Variants in GLIS3 observed in about 807,000 individuals in gnomAD.
GLIS3 encodes the protein zinc finger protein GLIS3.
In GLIS3, 53 loss-of-function variants were observed where a neutral mutation model predicts 78.6. That is an observed-to-expected ratio of 0.67 (90% CI 0.54 to 0.85). The LOEUF is 0.85. Ranked by LOEUF, GLIS3 falls within the 40% of genes least tolerant of loss-of-function variation. The pLI, the probability that GLIS3 is intolerant of heterozygous loss-of-function variation, is 0.00. For missense variants in GLIS3, 1,703 were observed against 1,231.1 expected (o/e 1.38, Z -5.74); for synonymous variants, 684 against 509.9 (o/e 1.34, Z -4.60).
At chr9:4,161,675 CTTTTTTTTTTTT>C (rs55904647) in intron 2 of GLIS3, among the ~76,000 whole-genome samples, 6 of 114,214 alleles carry the variant, frequency 5.3e-5, no homozygotes, top group African/African-American at 2.1e-4. Context: ...TGCTAGAAGT[CTTTTTTTTTTTT>C]TTTTTTTTGA....
At chr9:4,133,874 A>ACACCCACC (rs768664577) in intron 2 of GLIS3, among the ~76,000 whole-genome samples, 1 of 123,918 alleles carries the variant, frequency 8.1e-6, no homozygotes, top group Non-Finnish European at 1.7e-5. Flanking sequence ...ACACACACAC[A>ACACCCACC]CCGTACATCT....
In GLIS3 at chr9:3,886,956, C is replaced by T. The variant is rs570614203; in HGVS notation, c.2129-7361G>A. Among the ~76,000 whole-genome samples the T allele has an allele frequency of 3.3e-5, 5 of 152,298 alleles. No individual in the cohort carries two copies. In the East Asian group the frequency reaches 9.6e-4, roughly 29 times the overall value. Reference sequence around the variant, plus strand: ...TTCTTAATGTCTGATCATTTCCCCCCTTCCCCTGCCTCTGCATCAGGAAGG... The same window carrying T: ...TTCTTAATGTCTGATCATTTCCCCCTTTCCCCTGCCTCTGCATCAGGAAGG... On this transcript the variant is annotated intron_variant, in intron 7 of 10. Transcript: ENST00000381971.
At chr9:4,369,822 G>A in the GLIS3 span, among the ~76,000 whole-genome samples, 1 of 151,926 alleles carries the variant, frequency 6.6e-6, no homozygotes, top group Non-Finnish European at 1.5e-5. Context: ...CTATGTTCAT[G>A]GCCAAAAAAA....
intron 2 of GLIS3, among the ~76,000 whole-genome samples, chr9:4,225,925 C>T (rs1044832483): frequency 8.5e-5 from 13 of 152,168 alleles, no homozygotes; most frequent in Admixed American, 5.9e-4. Flanking sequence ...TCTAACTCAA[C>T]ATTCTATGAG....
chr9:4,242,144 T>C (rs1376343886), intron 2 of GLIS3, among the ~76,000 whole-genome samples: 1 of 152,148 alleles, frequency 6.6e-6, no homozygotes, highest in Non-Finnish European at 1.5e-5. Context: ...GAAACCTGGC[T>C]TGCTGCTGTG....
chr9:4,450,667 A>T, the GLIS3 span, among the ~76,000 whole-genome samples: 1 of 152,248 alleles, frequency 6.6e-6, no homozygotes, highest in African/African-American at 2.4e-5. Flanking sequence ...AAACTCTACA[A>T]GCCAAAAGAG....
chr9:4,125,010 A>G (rs11791726), intron 3 of GLIS3, among the ~76,000 whole-genome samples: 56,096 of 152,108 alleles, frequency 0.37, 10,743 homozygotes, highest in South Asian at 0.41. Flanking sequence ...CAACCTTGAG[A>G]GAGATAAAGC....
intron 8 of GLIS3, among the ~76,000 whole-genome samples, chr9:3,871,763 C>G (rs891013998): frequency 1.3e-5 from 2 of 152,216 alleles, no homozygotes; most frequent in African/African-American, 4.8e-5. Flanking sequence ...ACTGGAGGGA[C>G]TGCTGTGAAG....
At chr9:3,831,560 C>G (rs1311806371) in intron 9 of GLIS3, among the ~76,000 whole-genome samples, 2 of 152,174 alleles carry the variant, frequency 1.3e-5, no homozygotes, top group African/African-American at 2.4e-5. Context: ...AGTTTGACAA[C>G]CTGTATCTAG....
chr9:4,478,478 G>A, the GLIS3 span, among the ~76,000 whole-genome samples: 3 of 151,988 alleles, frequency 2.0e-5, no homozygotes, highest in African/African-American at 7.2e-5. Context: ...CGGCCTGGTG[G>A]CGGGCGCCTA....
At chr9:3,999,439 T>A (rs192362415) in intron 4 of GLIS3, among the ~76,000 whole-genome samples, 2 of 152,148 alleles carry the variant, frequency 1.3e-5, no homozygotes, top group Non-Finnish European at 2.9e-5. Flanking sequence ...AAAAGAAAGG[T>A]TGCATTTCTA....
At chr9:4,041,743 A>C (rs539043753) in intron 4 of GLIS3, among the ~76,000 whole-genome samples, 1 of 152,306 alleles carries the variant, frequency 6.6e-6, no homozygotes, top group South Asian at 2.1e-4. Context: ...GATGTTCTGA[A>C]GATAAAACCA....
At chr9:4,402,791 TA>T in the GLIS3 span, among the ~76,000 whole-genome samples, 5 of 151,738 alleles carry the variant, frequency 3.3e-5, no homozygotes, top group Middle Eastern at 3.4e-3. Context: ...GAAAGAAAGA[TA>T]AAAAAACAAG....
chr9:4,013,412 A>T (rs2130061259), intron 4 of GLIS3, among the ~76,000 whole-genome samples: 1 of 152,334 alleles, frequency 6.6e-6, no homozygotes, highest in Middle Eastern at 3.4e-3. Context: ...TTAAGATTCA[A>T]GGTATACTTT....
chr9:4,025,363 G>A (rs545761142), intron 4 of GLIS3, among the ~76,000 whole-genome samples: 3 of 152,070 alleles, frequency 2.0e-5, no homozygotes, highest in African/African-American at 4.8e-5. Flanking sequence ...TATATACAAC[G>A]CTTTGACCCT....
the GLIS3 span, among the ~76,000 whole-genome samples, chr9:4,365,368 C>A: frequency 6.6e-6 from 1 of 151,888 alleles, no homozygotes; most frequent in Non-Finnish European, 1.5e-5. Context: ...CTAGCCTGGC[C>A]AATATGGTAA....
At chr9:4,100,481 A>G (rs1316759737) in intron 4 of GLIS3, among the ~76,000 whole-genome samples, 1 of 152,228 alleles carries the variant, frequency 6.6e-6, no homozygotes, top group Non-Finnish European at 1.5e-5. Flanking sequence ...TGAAAATATG[A>G]TTCAGAGATG....
chr9:4,221,884 C>A (rs776258436), intron 2 of GLIS3, among the ~76,000 whole-genome samples: 1 of 152,228 alleles, frequency 6.6e-6, no homozygotes, highest in Non-Finnish European at 1.5e-5. Context: ...TGGGATCCAT[C>A]TGTATGGCAA....
chr9:4,015,718 T>C (rs999208531), intron 4 of GLIS3, among the ~76,000 whole-genome samples: 1 of 151,798 alleles, frequency 6.6e-6, no homozygotes, highest in African/African-American at 2.4e-5. Flanking sequence ...TGAAACCCCA[T>C]CTCTACTAAA....
Sources: gnomAD v4.1 joint callset for allele counts (sites outside exome capture counted in the v4.1 genomes callset) on GRCh38, gnomAD v4.1.1 for gene constraint, MANE v1.5 for transcripts, NCBI Gene and HGNC (gene_info 2026-07-23, HGNC 2026-07-21) for gene names.